The following COL19A1 variants were observed in gnomAD, a reference collection of about 807,000 sequenced individuals.
COL19A1 encodes the protein collagen alpha-1(XIX) chain.
COL19A1 carries 159 observed loss-of-function variants against 190.2 expected under a neutral mutation model. The ratio of observed to expected loss-of-function variants is 0.84; its 90% confidence interval spans 0.73 to 0.95. COL19A1 has a LOEUF of 0.95. COL19A1 is among the 40% of genes least tolerant of loss of function. The pLI, the probability that COL19A1 is intolerant of heterozygous loss-of-function variation, is 0.00. For missense variants in COL19A1, 1,418 were observed against 1,431.9 expected, an observed-to-expected ratio of 0.99 and a Z score of 0.16; for synonymous variants, 509 against 458.9, an observed-to-expected ratio of 1.11 and a Z score of -1.39.
chr6:70,109,882 A>G (rs774510021), intron 16 of COL19A1, among the ~76,000 whole-genome samples: 3 of 152,070 alleles, frequency 2.0e-5, no homozygotes, highest in African/African-American at 4.8e-5. Context: ...CTGATAGGCT[A>G]TAGGTTGAGT....
At chr6:69,929,831 T>TCGTCG in intron 6 of COL19A1, 131 bp downstream of exon 6, 1 of 828,086 alleles carries the variant, frequency 1.2e-6, no homozygotes, top group Admixed American at 3.3e-5. Flanking sequence ...TTAATTAATT[T>TCGTCG]GCCGTCAGAT....
At chr6:69,977,734 T>C (rs1323934554) in intron 11 of COL19A1, among the ~76,000 whole-genome samples, 1 of 152,174 alleles carries the variant, frequency 6.6e-6, no homozygotes, top group Non-Finnish European at 1.5e-5. Flanking sequence ...GGATAATAGA[T>C]GTGGCCTCTA....
At chr6:70,101,076 A>AT (rs1242659642) in intron 15 of COL19A1, among the ~76,000 whole-genome samples, 1 of 152,192 alleles carries the variant, frequency 6.6e-6, no homozygotes, top group Non-Finnish European at 1.5e-5. Context: ...TTGGTGAATA[A>AT]AATGGGCCTT....
chr6:69,907,511 C>A (rs1179662282), intron 4 of COL19A1, among the ~76,000 whole-genome samples: 1 of 152,104 alleles, frequency 6.6e-6, no homozygotes, highest in Non-Finnish European at 1.5e-5. Flanking sequence ...ATACAATTGA[C>A]TTTTAGAAAT....
intron 17 of COL19A1, among the ~76,000 whole-genome samples, chr6:70,127,394 C>T (rs915651682): frequency 3.3e-5 from 5 of 152,236 alleles, no homozygotes; most frequent in Non-Finnish European, 5.9e-5. Context: ...CAGTTAGAGA[C>T]TCACTGCAAT....
At chr6:70,108,661 T>A (rs1784109778) in intron 16 of COL19A1, among the ~76,000 whole-genome samples, 1 of 152,150 alleles carries the variant, frequency 6.6e-6, no homozygotes, top group Non-Finnish European at 1.5e-5. Flanking sequence ...GATGCTCTTT[T>A]GAGGTAAAAA....
chr6:70,181,862 C>T (rs1237375511), intron 44 of COL19A1, among the ~76,000 whole-genome samples: 2 of 151,964 alleles, frequency 1.3e-5, no homozygotes, highest in East Asian at 3.9e-4. Flanking sequence ...AGAAGTGAGC[C>T]CGATGGGGTC....
chr6:69,969,018 C>T (rs1450226929), intron 11 of COL19A1, among the ~76,000 whole-genome samples: 1 of 152,104 alleles, frequency 6.6e-6, no homozygotes, highest in Non-Finnish European at 1.5e-5. Context: ...GCTGTGTGAA[C>T]TTGGATATGT....
intron 31 of COL19A1, among the ~76,000 whole-genome samples, chr6:70,152,488 C>A (rs139262233): frequency 1.0e-3 from 155 of 152,110 alleles, no homozygotes; most frequent in African/African-American, 3.5e-3. Flanking sequence ...CTAAGACCTC[C>A]AAAACCAGCA....
intron 12 of COL19A1, among the ~76,000 whole-genome samples, chr6:70,030,307 G>A (rs1737062222): frequency 6.6e-6 from 1 of 151,992 alleles, no homozygotes; most frequent in Admixed American, 6.6e-5. Context: ...AACTTTTAAT[G>A]TATTATTTTA....
intron 3 of COL19A1, among the ~76,000 whole-genome samples, chr6:69,899,727 CCTTCT>C (rs754634808): frequency 9.9e-5 from 15 of 152,082 alleles, no homozygotes; most frequent in Non-Finnish European, 1.3e-4. Flanking sequence ...TTTTCCTCCT[CCTTCT>C]CTTCTCTCTC....
intron 4 of COL19A1, among the ~76,000 whole-genome samples, chr6:69,901,661 T>C (rs1002926181): frequency 1.3e-5 from 2 of 152,218 alleles, no homozygotes; most frequent in African/African-American, 4.8e-5. Flanking sequence ...AGAGGCGCAA[T>C]ATTTCTCACA....
intron 4 of COL19A1, among the ~76,000 whole-genome samples, chr6:69,919,068 C>T (rs1448227398): frequency 6.6e-6 from 1 of 152,110 alleles, no homozygotes; most frequent in African/African-American, 2.4e-5. Context: ...TCCCAAACTC[C>T]CACTGCCTTA....
intron 11 of COL19A1, among the ~76,000 whole-genome samples, chr6:69,994,908 C>G (rs867301421): frequency 6.6e-6 from 1 of 152,124 alleles, no homozygotes; most frequent in Non-Finnish European, 1.5e-5. Context: ...CCCACGGTGT[C>G]CCCACATCCT....
intron 46 of COL19A1, among the ~76,000 whole-genome samples, chr6:70,187,350 G>A (rs377424007): frequency 3.8e-5 from 4 of 104,056 alleles, no homozygotes; most frequent in Non-Finnish European, 8.7e-5. Flanking sequence ...ATGCATACAC[G>A]TGTAAAGCAC....
chr6:70,068,519 G>A (rs750130952), intron 15 of COL19A1, 43 bp downstream of exon 15: 5 of 1,299,804 alleles, frequency 3.8e-6, no homozygotes, highest in Non-Finnish European at 5.5e-6. Flanking sequence ...CTAACTTAGG[G>A]GATACTTATT....
chr6:69,948,233 G>A (rs754521793), intron 9 of COL19A1, among the ~76,000 whole-genome samples: 9 of 151,816 alleles, frequency 5.9e-5, no homozygotes, highest in Non-Finnish European at 1.0e-4. Context: ...TCACCGAAGC[G>A]CTTGAGCTAT....
chr6:69,999,668 G>A (rs1449847161), intron 11 of COL19A1, among the ~76,000 whole-genome samples: 10 of 152,090 alleles, frequency 6.6e-5, no homozygotes, highest in Admixed American at 6.5e-4. Flanking sequence ...AATACATTGG[G>A]TCAATATAAA....
chr6:69,883,921 A>G (rs1213149811), intron 2 of COL19A1, among the ~76,000 whole-genome samples: 1 of 150,864 alleles, frequency 6.6e-6, no homozygotes, highest in African/African-American at 2.5e-5. Context: ...CGAGAGGAGA[A>G]AAAAGGAATT....
Sources: gnomAD v4.1 joint callset for allele counts (sites outside exome capture counted in the v4.1 genomes callset) on GRCh38, gnomAD v4.1.1 for gene constraint, MANE v1.5 for transcripts, NCBI Gene and HGNC (gene_info 2026-07-23, HGNC 2026-07-21) for gene names.